FAF1: variants seen among roughly 807,000 people sequenced by gnomAD.
FAF1 encodes Fas associated factor 1.
In FAF1, 25 loss-of-function variants were observed where a neutral mutation model predicts 92.5. That is an observed-to-expected ratio of 0.27 (90% confidence interval 0.20 to 0.38). The LOEUF (loss-of-function observed/expected upper bound fraction) is 0.38. Ranked by LOEUF, FAF1 falls within the 10% of genes least tolerant of loss-of-function variation. The pLI is 1.00. For synonymous variants in FAF1, 234 were observed against 273.2 expected (o/e 0.86, Z 1.42); for missense variants, 636 against 793.3 (o/e 0.80, Z 2.38).
intron 8 of FAF1, 31 bp from the exon 9 acceptor site, chr1:50,596,247 C>T (rs765340702): frequency 6.9e-7 from 1 of 1,449,844 alleles, no homozygotes; most frequent in Non-Finnish European, 9.7e-7. Flanking sequence ...CATTTGTAAA[C>T]AAAATACGGC....
At chr1:50,794,345 G>A (rs909195154) in intron 3 of FAF1, among the ~76,000 whole-genome samples, 1 of 152,226 alleles carries the variant, frequency 6.6e-6, no homozygotes, top group African/African-American at 2.4e-5. Context: ...CACTGCTGTA[G>A]TACTACGACC....
intron 8 of FAF1, among the ~76,000 whole-genome samples, chr1:50,616,974 C>T (rs749785538): frequency 6.6e-5 from 10 of 152,214 alleles, no homozygotes; most frequent in Non-Finnish European, 1.3e-4. Flanking sequence ...AGCTACCGCA[C>T]TCAGGCTGTA....
chr1:50,872,249 G>C lies in FAF1; in HGVS notation c.46-14252C>G, dbSNP rs1374596867. ...AAAATATCAACATCAACAAGAGTTT[G>C]GGAGAAGTTGATTCTCACCCTTATG... On this transcript the variant is annotated intron_variant, in intron 1 of 18. Transcript: ENST00000396153. 2.0e-5 allele frequency among the ~76,000 whole-genome samples: 3 copies of C among 152,176 alleles called. No individual in the cohort carries two copies. The East Asian group carries it at 5.8e-4, about 29-fold the overall frequency.
At chr1:50,817,476 G>A (rs1476258204) in intron 2 of FAF1, among the ~76,000 whole-genome samples, 2 of 152,180 alleles carry the variant, frequency 1.3e-5, no homozygotes, top group African/African-American at 4.8e-5. Flanking sequence ...GGTTGCCAGA[G>A]GCTGGCTATA....
In FAF1 at chr1:50,699,104, G is replaced by A. The variant is rs114669264; in HGVS notation, c.657+6682C>T. 8.5e-3 allele frequency among the ~76,000 whole-genome samples: 1,288 copies of A among 151,714 alleles called. 18 individuals carry two copies. The highest frequency in any genetic ancestry group is 0.03 in the African/African-American group (1,244 of 41,384). On this transcript the variant is annotated intron_variant, in intron 7 of 18. Transcript: ENST00000396153. ...TTAAAATTAAAATGAACATGGTGGC[G>A]GTAATATATGCCATCAAACAAAAGT... is the stretch of plus-strand genomic sequence containing the variant.
intron 2 of FAF1, among the ~76,000 whole-genome samples, chr1:50,821,741 C>A (rs1399840161): frequency 1.3e-5 from 2 of 152,110 alleles, no homozygotes; most frequent in African/African-American, 4.8e-5. Flanking sequence ...ATGCTTGATA[C>A]ACAGAAAAGT....
At chr1:50,753,692 T>C (rs1437722117) in intron 4 of FAF1, among the ~76,000 whole-genome samples, 1 of 151,912 alleles carries the variant, frequency 6.6e-6, no homozygotes. Context: ...TTTTAAACCT[T>C]CCCTCTCTCT....
chr1:50,957,744 A>G (rs1645280609), intron 1 of FAF1, among the ~76,000 whole-genome samples: 1 of 152,174 alleles, frequency 6.6e-6, no homozygotes, highest in Non-Finnish European at 1.5e-5. Flanking sequence ...TTTAGCCAAT[A>G]TAAGGTTAAC....
At chr1:50,868,091 A>G (rs1424673210) in intron 1 of FAF1, among the ~76,000 whole-genome samples, 1 of 152,198 alleles carries the variant, frequency 6.6e-6, no homozygotes, top group Non-Finnish European at 1.5e-5. Flanking sequence ...AAAACCGAAC[A>G]TTGCATGTTC....
At chr1:50,890,721 C>T (rs1394754333) in intron 1 of FAF1, among the ~76,000 whole-genome samples, 2 of 152,162 alleles carry the variant, frequency 1.3e-5, no homozygotes, top group African/African-American at 2.4e-5. Context: ...GAGTTTCTGT[C>T]GAGAGATCCC....
intron 4 of FAF1, among the ~76,000 whole-genome samples, chr1:50,749,522 A>G (rs1451104117): frequency 6.6e-6 from 1 of 152,212 alleles, no homozygotes; most frequent in East Asian, 1.9e-4. Flanking sequence ...AAGGTGGCTC[A>G]TGCCTATAAT....
chr1:50,474,325 C>T lies in FAF1; in HGVS notation c.1869+1139G>A, dbSNP rs371527815. ...GATTTCCAGCTCCCTCACCTTCCTA[C>T]CAGCCCTGCTCCAGACATGCTCCTA... On this transcript the variant is annotated intron_variant, in intron 18 of 18. Coordinates refer to ENST00000396153, the MANE Select transcript of FAF1 (RefSeq NM_007051.3). 7.9e-5 allele frequency among the ~76,000 whole-genome samples: 12 copies of T among 152,330 alleles called. No homozygotes were observed. The East Asian group carries it at 1.2e-3, about 15-fold the overall frequency.
intron 15 of FAF1, among the ~76,000 whole-genome samples, chr1:50,519,608 A>T (rs1647401493): frequency 6.6e-6 from 1 of 152,252 alleles, no homozygotes; most frequent in Admixed American, 6.5e-5. Flanking sequence ...AATACTCTGC[A>T]AAGATGAGTA....
chr1:50,827,790 A>G (rs556606219), intron 2 of FAF1, among the ~76,000 whole-genome samples: 3 of 152,276 alleles, frequency 2.0e-5, no homozygotes, highest in Non-Finnish European at 4.4e-5. Flanking sequence ...ACCTAAACCA[A>G]TATCAAAAGA....
At chr1:50,735,775 G>GCCCAGGCTTAAA (rs1659112875) in intron 6 of FAF1, among the ~76,000 whole-genome samples, 1 of 152,134 alleles carries the variant, frequency 6.6e-6, no homozygotes, top group South Asian at 2.1e-4. Flanking sequence ...AAAGTACAGT[G>GCCCAGGCTTAAA]GCATGATCTC....
Position 50,582,620 on chromosome 1 carries a change from C to T in FAF1, c.1111G>A (p.Asp371Asn), listed in dbSNP as rs145224494. 37 of 1,605,458 alleles carry T rather than the reference C, an allele frequency of 2.3e-5. No homozygotes were observed. Among genetic ancestry groups the T allele is most frequent in the Middle Eastern group, 1.6e-4 (1 of 6,074 alleles). The change falls in exon 12 of 19, where the codon GAT becomes AAT. Residue 371 changes from aspartate (D) to asparagine (N), a missense_variant and splice_region_variant. By Grantham distance (23) the Asp-to-Asn change is conservative. Transcript: ENST00000396153. ...FQEAFYVKARDRKLLAIYLHH... is the reference protein window; with the variant it reads ...FQEAFYVKARNRKLLAIYLHH... ...AGAAAAGGTCAAACTGTACTTACAT[C>T]TCGGGCTTTCACATAGAAGGCCTCT...
chr1:50,488,768 A>T (rs1214098301), intron 17 of FAF1, among the ~76,000 whole-genome samples: 1 of 152,210 alleles, frequency 6.6e-6, no homozygotes, highest in Admixed American at 6.5e-5. Context: ...TTTCACTTAT[A>T]AAGATAAATC....
chr1:50,589,343 A>C (rs1651392680), intron 9 of FAF1, among the ~76,000 whole-genome samples: 1 of 152,000 alleles, frequency 6.6e-6, no homozygotes, highest in African/African-American at 2.4e-5. Flanking sequence ...AAAAATACGA[A>C]GTCTGCTGAG....
chr1:50,922,354 G>A (rs1479925829), intron 1 of FAF1, among the ~76,000 whole-genome samples: 2 of 149,178 alleles, frequency 1.3e-5, no homozygotes, highest in African/African-American at 4.9e-5. Flanking sequence ...AGCTACTAGG[G>A]AGGCTGAGGC....
Sources: gnomAD v4.1 joint callset for allele counts (sites outside exome capture counted in the v4.1 genomes callset) on GRCh38, gnomAD v4.1.1 for gene constraint, MANE v1.5 for transcripts, NCBI Gene and HGNC (gene_info 2026-07-23, HGNC 2026-07-21) for gene names.